The following NEK7 variants were observed in gnomAD, a reference collection of about 807,000 sequenced individuals.
The protein encoded by NEK7 is serine/threonine-protein kinase Nek7.
A neutral mutation model predicts 44.6 loss-of-function variants in NEK7; 18 were observed. The observed-to-expected ratio is 0.40, with a 90% confidence interval of 0.28 to 0.60. The LOEUF is 0.60. NEK7 is among the 20% of genes least tolerant of loss of function. The pLI, the probability that NEK7 is intolerant of heterozygous loss-of-function variation, is 0.38. For missense variants in NEK7, 256 were observed against 366.5 expected, an observed-to-expected ratio of 0.70 and a Z score of 2.46; for synonymous variants, 130 against 121.1, an observed-to-expected ratio of 1.07 and a Z score of -0.48.
At chr1:198,214,465 G>C (rs1665860844) in intron 1 of NEK7, among the ~76,000 whole-genome samples, 1 of 152,132 alleles carries the variant, frequency 6.6e-6, no homozygotes, top group Admixed American at 6.5e-5. Context: ...GTTCTAAAGA[G>C]ATGGATATTT....
At chr1:198,278,826 T>C in intron 6 of NEK7, 128 bp from the exon 7 acceptor site, 1 of 591,588 alleles carries the variant, frequency 1.7e-6, no homozygotes, top group Non-Finnish European at 3.0e-6. Context: ...AATAAACTAA[T>C]TGGTTCATAA....
intron 1 of NEK7, among the ~76,000 whole-genome samples, chr1:198,177,130 A>G (rs1265027774): frequency 6.6e-6 from 1 of 152,182 alleles, no homozygotes; most frequent in Non-Finnish European, 1.5e-5. Context: ...TAGAAACGAT[A>G]AAAGTAGATA....
intron 1 of NEK7, among the ~76,000 whole-genome samples, chr1:198,231,415 A>G (rs186398081): frequency 2.4e-4 from 36 of 148,922 alleles, no homozygotes; most frequent in Non-Finnish European, 1.0e-4. Flanking sequence ...TTTTTTCAAT[A>G]TATCATTTGA....
intron 1 of NEK7, among the ~76,000 whole-genome samples, chr1:198,175,333 A>G (rs897485740): frequency 3.9e-5 from 6 of 152,168 alleles, no homozygotes; most frequent in Admixed American, 3.9e-4. Flanking sequence ...TTTTTCTGTT[A>G]TTGAGTACTT....
chr1:198,174,236 T>C (rs1664534422), intron 1 of NEK7, among the ~76,000 whole-genome samples: 1 of 152,232 alleles, frequency 6.6e-6, no homozygotes, highest in African/African-American at 2.4e-5. Flanking sequence ...TGTAAGTACA[T>C]TGAAACATCT....
At chr1:198,305,856 A>T (rs984476184) in intron 9 of NEK7, among the ~76,000 whole-genome samples, 1 of 152,190 alleles carries the variant, frequency 6.6e-6, no homozygotes, top group East Asian at 1.9e-4. Flanking sequence ...TAGAGCTAAC[A>T]TTCTTTTGAA....
chr1:198,195,085 G>T (rs1288990397), intron 1 of NEK7, among the ~76,000 whole-genome samples: 2 of 152,126 alleles, frequency 1.3e-5, no homozygotes, highest in African/African-American at 4.8e-5. Context: ...GAGAGTAGCT[G>T]GAAGAAAGGG....
At chr1:198,263,382 A>G (rs1368329076) in intron 4 of NEK7, among the ~76,000 whole-genome samples, 1 of 151,876 alleles carries the variant, frequency 6.6e-6, no homozygotes, top group Non-Finnish European at 1.5e-5. Flanking sequence ...AATATATGTA[A>G]ACTTTTACTG....
Position 198,293,346 on chromosome 1 carries a change from A to G in NEK7, c.684+307A>G, listed in dbSNP as rs138625294. The stretch of plus-strand genomic sequence containing the variant: ...AAAATATACGTTTGAACATCTGTAA[A>G]TCTTGATCCATGCATTACAGGAGTG... On this transcript the variant is annotated intron_variant, in intron 8 of 9. Coordinates refer to ENST00000367385, the MANE Select transcript of NEK7 (RefSeq NM_133494.3). Among the ~76,000 whole-genome samples, 220 of 152,004 alleles carry G rather than the reference A, an allele frequency of 1.4e-3. 1 individual carries two copies. Among genetic ancestry groups the G allele is most frequent in the African/African-American group, 5.1e-3 (212 of 41,560 alleles).
chr1:198,232,557 C>G lies in NEK7; in HGVS notation c.-24C>G, dbSNP rs749560399. 17 of 1,536,182 alleles carry G rather than the reference C, an allele frequency of 1.1e-5. No individual in the cohort carries two copies. Among genetic ancestry groups the G allele is most frequent in the South Asian group, 5.6e-5 (5 of 89,180 alleles). On this transcript the variant is annotated 5_prime_UTR_variant, in exon 2 of 10. Coordinates refer to ENST00000367385, the MANE Select transcript of NEK7 (RefSeq NM_133494.3). ...TTCAACTTTACATTTTTGCAGAGTTCTAAAGTTCCTGTTGCTTCAGACAAT... is the reference window on the plus strand; with the variant it reads ...TTCAACTTTACATTTTTGCAGAGTTGTAAAGTTCCTGTTGCTTCAGACAAT...
At chr1:198,268,743 C>T (rs1653740264) in intron 5 of NEK7, among the ~76,000 whole-genome samples, 1 of 152,082 alleles carries the variant, frequency 6.6e-6, no homozygotes, top group Non-Finnish European at 1.5e-5. Context: ...AGAGAGGATC[C>T]GAGTCCGTTT....
At chr1:198,245,216 T>G (rs1223626185) in intron 2 of NEK7, 1 of 169,028 alleles carries the variant, frequency 5.9e-6, no homozygotes, top group Non-Finnish European at 1.5e-5. Flanking sequence ...AGAGAAGGAG[T>G]TTCTTGCTGT....
chr1:198,257,973 TAAATC>T (rs377101974), intron 3 of NEK7, among the ~76,000 whole-genome samples: 2 of 152,038 alleles, frequency 1.3e-5, no homozygotes, highest in Admixed American at 6.6e-5. Context: ...TAGCAAAAAA[TAAATC>T]AAATAATTAT....
chr1:198,252,620 T>C (rs1319998180), intron 2 of NEK7, among the ~76,000 whole-genome samples: 1 of 127,438 alleles, frequency 7.8e-6, no homozygotes, highest in Non-Finnish European at 1.6e-5. Context: ...TATTAAAACA[T>C]GTATATGTAT....
rs1354840567 is a variant in NEK7, at chr1:198,256,496, A to G, written c.198+3316A>G. 11 of 1,568,548 alleles carry G rather than the reference A, an allele frequency of 7.0e-6. No homozygotes were observed. In the South Asian group the frequency reaches 1.1e-4, roughly 15 times the overall value. Reference sequence around the variant, plus strand: ...TTCATTTGCAAAAAAATAAGATGGTACCTTAACTAATAAAACAATTTTGAA... The same window carrying G: ...TTCATTTGCAAAAAAATAAGATGGTGCCTTAACTAATAAAACAATTTTGAA... On this transcript the variant is annotated intron_variant, in intron 3 of 9. Transcript: ENST00000367385.
Position 198,319,637 on chromosome 1 carries a change from A to T in NEK7, c.*115A>T. On this transcript the variant is annotated 3_prime_UTR_variant, in exon 10 of 10. Coordinates refer to ENST00000367385, the MANE Select transcript of NEK7 (RefSeq NM_133494.3). ...ATATTTCAGAGCTAGTGTGCTTTGA[A>T]TCCTTAACCAGTTTTCATATAAGCT... 1 of 1,246,950 alleles carries T rather than the reference A, an allele frequency of 8.0e-7. No individual in the cohort carries two copies. The highest frequency in any genetic ancestry group is 1.0e-6 in the Non-Finnish European group (1 of 963,970). The allele number at this position is 1,246,950 out of a possible 1,614,324, so 77.2% of individuals were successfully genotyped here.
intron 1 of NEK7, among the ~76,000 whole-genome samples, chr1:198,230,664 T>A (rs2102868588): frequency 6.6e-6 from 1 of 152,168 alleles, no homozygotes; most frequent in African/African-American, 2.4e-5. Context: ...CTGGATGTTC[T>A]ATCTATTGTA....
chr1:198,262,704 C>A, intron 4 of NEK7, 67 bp downstream of exon 4: 2 of 914,536 alleles, frequency 2.2e-6, no homozygotes, highest in Non-Finnish European at 3.4e-6. Flanking sequence ...TAAAATATCA[C>A]ACTTAAACAC....
At chr1:198,172,057 TA>T (rs1281086632) in intron 1 of NEK7, among the ~76,000 whole-genome samples, 9 of 152,188 alleles carry the variant, frequency 5.9e-5, no homozygotes, top group African/African-American at 2.2e-4. Context: ...GTTCTTTTTG[TA>T]TTCCCAGCAG....
Sources: allele counts gnomAD v4.1 joint callset (sites outside exome capture counted in the v4.1 genomes callset), GRCh38; gene constraint gnomAD v4.1.1; transcripts MANE v1.5; gene names NCBI Gene and HGNC (gene_info 2026-07-23, HGNC 2026-07-21).